Variants in PML observed in about 807,000 individuals in gnomAD.
PML encodes PML nuclear body scaffold.
In PML, 28 loss-of-function variants were observed where a neutral mutation model predicts 65.2. That is an observed-to-expected ratio of 0.43 (90% CI 0.32 to 0.59). The LOEUF is 0.59. PML is among the 20% of genes least tolerant of loss of function. PML has a pLI of 0.08. For synonymous variants in PML, 500 were observed against 508.8 expected (o/e 0.98, Z 0.23); for missense variants, 1,021 against 1,203.4 (o/e 0.85, Z 2.24).
At chr15:74,034,253 T>C (rs929194725) in intron 6 of PML, 93 of 618,410 alleles carry the variant, frequency 1.5e-4, no homozygotes, top group Non-Finnish European at 8.1e-5. Context: ...TGAATATTCA[T>C]AGATAAGGCA....
intron 7 of PML, among the ~76,000 whole-genome samples, chr15:74,040,893 G>T (rs1224037967): frequency 6.6e-6 from 1 of 152,176 alleles, no homozygotes; most frequent in Non-Finnish European, 1.5e-5. Context: ...CATTTCCCTG[G>T]CCCCGGGACA....
intron 7 of PML, among the ~76,000 whole-genome samples, chr15:74,038,780 A>G (rs1469623078): frequency 6.6e-6 from 1 of 152,212 alleles, no homozygotes; most frequent in African/African-American, 2.4e-5. Flanking sequence ...GGTCTGCTAC[A>G]TTACTACTTT....
chr15:74,033,083 T>C, intron 5 of PML, 73 bp from the exon 6 acceptor site: 1 of 1,557,806 alleles, frequency 6.4e-7, no homozygotes, highest in South Asian at 1.1e-5. Context: ...CACAAGTCCC[T>C]GGCAGTCAGG....
At chr15:74,012,744 C>T (rs1451517113) in intron 2 of PML, among the ~76,000 whole-genome samples, 2 of 152,202 alleles carry the variant, frequency 1.3e-5, no homozygotes, top group Non-Finnish European at 2.9e-5. Context: ...AGGTTCACCA[C>T]TGGTCTTTTT....
intron 2 of PML, among the ~76,000 whole-genome samples, chr15:74,009,614 T>C (rs2070226830): frequency 6.6e-6 from 1 of 152,244 alleles, no homozygotes; most frequent in Non-Finnish European, 1.5e-5. Context: ...TTTATTTATT[T>C]ATTTGTTTAT....
In PML at chr15:74,033,136, C is replaced by G. The variant is rs780908445; in HGVS notation, c.1399-20C>G. The G allele has an allele frequency of 5.0e-6, 8 of 1,613,676 alleles. No homozygotes were observed. Among genetic ancestry groups the G allele is most frequent in the Non-Finnish European group, 6.8e-6 (8 of 1,179,912 alleles). On this transcript the variant is annotated intron_variant, in intron 5 of 8. Coordinates refer to ENST00000268058, the MANE Select transcript of PML (RefSeq NM_033238.3). Reference sequence around the variant, plus strand: ...ACCCCTGCAGGCACCTGACCTGGCTCTGTGACTCCCTCTATGCAGGATGTC... The same window carrying G: ...ACCCCTGCAGGCACCTGACCTGGCTGTGTGACTCCCTCTATGCAGGATGTC...
At position 74,033,171 on chromosome 15, in the gene PML, A is replaced by G; in HGVS notation, c.1414A>G (p.Thr472Ala). The change falls in exon 6 of 9, where the codon ACG (threonine) becomes GCG (alanine). Residue 472 changes from threonine (T) to alanine (A), a missense_variant. By Grantham distance (58) the Thr-to-Ala change is moderately conservative. Coordinates refer to ENST00000268058, the MANE Select transcript of PML (RefSeq NM_033238.3). ...PSYGEDVSNT[T>A]TAQKRKCSQT... ...CTCTATGCAGGATGTCTCCAATACA[A>G]CGACAGCCCAGAAGAGGAAGTGCAG... 6.2e-7 allele frequency: 1 copy of G among 1,614,126 alleles called. No individual in the cohort carries two copies. Among genetic ancestry groups the G allele is most frequent in the Non-Finnish European group, 8.5e-7 (1 of 1,179,986 alleles).
chr15:73,997,476 T>G (rs901367920), intron 1 of PML, among the ~76,000 whole-genome samples: 5 of 152,248 alleles, frequency 3.3e-5, no homozygotes, highest in African/African-American at 1.2e-4. Context: ...CACATTTTGT[T>G]TATCTATTCA....
chr15:74,032,506 G>A (rs757371029), intron 4 of PML, 66 bp from the exon 5 acceptor site: 17 of 1,587,220 alleles, frequency 1.1e-5, no homozygotes, highest in Admixed American at 3.3e-5. Context: ...CCAACCACAG[G>A]TCTGGGGTAC....
chr15:74,003,945 G>C (rs2069904923), intron 2 of PML, among the ~76,000 whole-genome samples: 1 of 152,092 alleles, frequency 6.6e-6, no homozygotes, highest in African/African-American at 2.4e-5. Flanking sequence ...AGTTGAGCTA[G>C]GTGTAAAATT....
chr15:74,035,630 C>A lies in PML; in HGVS notation c.1710+1100C>A, dbSNP rs1555444461. On this transcript the variant is annotated intron_variant, in intron 7 of 8. Coordinates refer to ENST00000268058, the MANE Select transcript of PML (RefSeq NM_033238.3). This position sits in a 1 kb window ranked among gnomAD's most constrained non-coding sequence, Gnocchi z 4.1. Reference sequence around the variant, plus strand: ...TGCAAAGGGGCATCAGCCCACCCCACCGGATACGAGGGGCTGTGCGATCCC... The same window carrying A: ...TGCAAAGGGGCATCAGCCCACCCCAACGGATACGAGGGGCTGTGCGATCCC... 2 of 1,613,878 alleles carry A rather than the reference C, an allele frequency of 1.2e-6. No homozygotes were observed. The highest frequency in any genetic ancestry group is 2.2e-5 in the South Asian group (2 of 91,088).
chr15:74,043,294 C>G lies in PML; in HGVS notation c.1861+155C>G. 2.0e-6 allele frequency: 3 copies of G among 1,513,586 alleles called. No homozygotes were observed. The highest frequency in any genetic ancestry group is 1.8e-6 in the Non-Finnish European group (2 of 1,136,698). 93.8% of individuals were successfully genotyped at this position (1,513,586 alleles called of 1,614,324 possible). On this transcript the variant is annotated intron_variant, in intron 8 of 8. Coordinates refer to ENST00000268058, the MANE Select transcript of PML (RefSeq NM_033238.3). This position sits in a 1 kb window ranked among gnomAD's most constrained non-coding sequence, Gnocchi z 4.3. ...GGCAGAGCACTCCGGCTCACCTGGG[C>G]TCCTGGCGTGTCATTTGCTGGCTTG...
intron 2 of PML, among the ~76,000 whole-genome samples, chr15:74,004,166 G>A (rs989644264): frequency 6.6e-6 from 1 of 152,120 alleles, no homozygotes; most frequent in African/African-American, 2.4e-5. Flanking sequence ...TTGGAATGCA[G>A]TGGTGCAATC....
intron 2 of PML, among the ~76,000 whole-genome samples, chr15:74,010,517 TA>T (rs59230084): frequency 0.59 from 78,574 of 133,394 alleles, 21,910 homozygotes; most frequent in East Asian, 0.66. Context: ...GCCTTGTCTC[TA>T]AAAAAAAAAA....
chr15:74,037,497 A>G lies in PML; in HGVS notation c.1710+2967A>G. ...CTGAATGAGGTCTTTCTCATCTCAGAAAACTCCACCCACTTCTCTCTCCAG... is the reference window on the plus strand; with the variant it reads ...CTGAATGAGGTCTTTCTCATCTCAGGAAACTCCACCCACTTCTCTCTCCAG... On this transcript the variant is annotated intron_variant, in intron 7 of 8. Coordinates refer to ENST00000268058, the MANE Select transcript of PML (RefSeq NM_033238.3). The surrounding 1 kb of genome is among the most constrained non-coding windows in gnomAD (Gnocchi z 4.2). The G allele has an allele frequency of 3.0e-6, 3 of 985,298 alleles. No homozygotes were observed. Among genetic ancestry groups the G allele is most frequent in the East Asian group, 1.1e-4 (1 of 8,794 alleles). The allele number at this position is 985,298 out of a possible 1,614,324, so 61.0% of individuals were successfully genotyped here. A position where few individuals can be genotyped will look rare whatever the true frequency, so the allele number is the denominator to read the frequency against.
chr15:74,044,639 C>T lies in PML; in HGVS notation c.2280C>T (p.Ser760=). ...MRDLCRLLEV[S]PGPQLAQHVY... ...ACCTGTGCCGCCTCCTCGAGGTCTC[C>T]CCGGGCCCCCAGCTGGCCCAGCATG... The change falls in exon 9 of 9, where the codon TCC becomes TCT. Residue 760 remains serine, a synonymous_variant. Transcript: ENST00000268058. The T allele has an allele frequency of 6.2e-7, 1 of 1,605,850 alleles. No homozygotes were observed. Among genetic ancestry groups the T allele is most frequent in the Non-Finnish European group, 8.5e-7 (1 of 1,179,898 alleles).
chr15:74,024,888 G>A lies in PML; in HGVS notation c.1215G>A (p.Glu405=), dbSNP rs1478057883. The stretch of plus-strand genomic sequence containing the variant: ...CTGTATCCAAGAAAGCCAGCCCAGA[G>A]GCTGCCAGCACTCCCAGGGACCCTA... ...DAAVSKKASP[E]AASTPRDPID... is the part of the protein sequence containing the mutation. The change falls in exon 4 of 9, where the codon GAG becomes GAA. Residue 405 remains glutamate (E), a synonymous_variant. Transcript: ENST00000268058. 1.2e-6 allele frequency: 2 copies of A among 1,613,888 alleles called. No individual in the cohort carries two copies. The highest frequency in any genetic ancestry group is 1.1e-5 in the South Asian group (1 of 91,082).
chr15:74,015,849 G>C (rs1171234457), intron 2 of PML, among the ~76,000 whole-genome samples: 1 of 152,168 alleles, frequency 6.6e-6, no homozygotes, highest in Non-Finnish European at 1.5e-5. Flanking sequence ...AGAGAGAAAA[G>C]GTAATTTGCT....
At chr15:74,033,629 C>A (rs1170918919) in intron 6 of PML, 1 of 701,128 alleles carries the variant, frequency 1.4e-6, no homozygotes, top group South Asian at 1.5e-5. Context: ...GGGAGCCTGA[C>A]AGGCTAAAAT....
Sources: allele counts gnomAD v4.1 joint callset (sites outside exome capture counted in the v4.1 genomes callset), GRCh38; gene constraint gnomAD v4.1.1; non-coding constraint Gnocchi (gnomAD v3.1); transcripts MANE v1.5; gene names NCBI Gene and HGNC (gene_info 2026-07-23, HGNC 2026-07-21).